The following BMAL1 variants were observed in gnomAD, a reference collection of about 807,000 sequenced individuals.
BMAL1 encodes basic helix-loop-helix ARNT like 1, also known as basic helix-loop-helix ARNT-like protein 1.
At chr11:13,344,276 A>G in the BMAL1 span, among the ~76,000 whole-genome samples, 7 of 152,128 alleles carry the variant, frequency 4.6e-5, no homozygotes, top group Non-Finnish European at 1.0e-4. Flanking sequence ...CCTATGCTCC[A>G]CTAATACAAA....
the BMAL1 span, among the ~76,000 whole-genome samples, chr11:13,330,876 C>T: frequency 6.6e-6 from 1 of 152,330 alleles, no homozygotes; most frequent in South Asian, 2.1e-4. Flanking sequence ...GATTATTGCT[C>T]ACGTAGTCAT....
the BMAL1 span, among the ~76,000 whole-genome samples, chr11:13,297,377 G>A: frequency 6.6e-6 from 1 of 152,236 alleles, no homozygotes; most frequent in African/African-American, 2.4e-5. Flanking sequence ...ATCATAGGAA[G>A]CCTCTGGAGT....
the BMAL1 span, among the ~76,000 whole-genome samples, chr11:13,340,268 AC>A: frequency 2.6e-5 from 4 of 152,128 alleles, no homozygotes; most frequent in African/African-American, 9.7e-5. Flanking sequence ...CTACTATGTC[AC>A]CCCAGAATCC....
chr11:13,294,273 G>A, the BMAL1 span, among the ~76,000 whole-genome samples: 1 of 152,174 alleles, frequency 6.6e-6, no homozygotes, highest in African/African-American at 2.4e-5. Flanking sequence ...TATTCACAGT[G>A]CGCTCTAAAC....
the BMAL1 span, among the ~76,000 whole-genome samples, chr11:13,358,905 C>A: frequency 2.0e-5 from 3 of 152,192 alleles, no homozygotes; most frequent in African/African-American, 7.2e-5. Flanking sequence ...CACATCTTGC[C>A]TATGTTTGTG....
chr11:13,289,056 C>G, the BMAL1 span, among the ~76,000 whole-genome samples: 1 of 152,216 alleles, frequency 6.6e-6, no homozygotes, highest in Non-Finnish European at 1.5e-5. Flanking sequence ...ATAGCCAAAG[C>G]AAATCACTTA....
At chr11:13,288,534 CAGTG>C in the BMAL1 span, among the ~76,000 whole-genome samples, 3 of 150,952 alleles carry the variant, frequency 2.0e-5, no homozygotes, top group Non-Finnish European at 4.4e-5. Context: ...TGGGGAAACT[CAGTG>C]AGGTTAAGTG....
chr11:13,324,979 C>T, the BMAL1 span, among the ~76,000 whole-genome samples: 1 of 152,112 alleles, frequency 6.6e-6, no homozygotes, highest in South Asian at 2.1e-4. Flanking sequence ...GAAAATCGTC[C>T]AGGAAATTGA....
the BMAL1 span, among the ~76,000 whole-genome samples, chr11:13,340,414 G>A: frequency 3.3e-5 from 5 of 152,194 alleles, no homozygotes; most frequent in Non-Finnish European, 7.3e-5. Context: ...CCAAAATTCT[G>A]TTATTCATAT....
At chr11:13,352,594 GTGT>G in the BMAL1 span, among the ~76,000 whole-genome samples, 1 of 152,294 alleles carries the variant, frequency 6.6e-6, no homozygotes, top group East Asian at 1.9e-4. Flanking sequence ...AGAATACAAC[GTGT>G]GTCCCGTTTT....
chr11:13,371,889 C>G, the BMAL1 span, among the ~76,000 whole-genome samples: 3 of 152,130 alleles, frequency 2.0e-5, no homozygotes, highest in African/African-American at 7.2e-5. Flanking sequence ...TTTGGGGGAG[C>G]CTTCCTCTCC....
At chr11:13,320,085 T>C in the BMAL1 span, among the ~76,000 whole-genome samples, 5 of 152,236 alleles carry the variant, frequency 3.3e-5, no homozygotes, top group Non-Finnish European at 7.3e-5. Flanking sequence ...GTTTGAAACC[T>C]TAGCATTTGG....
At chr11:13,314,313 C>T in the BMAL1 span, among the ~76,000 whole-genome samples, 1 of 150,224 alleles carries the variant, frequency 6.7e-6, no homozygotes, top group Admixed American at 6.7e-5. Flanking sequence ...GCATAGTTTA[C>T]CTGGCTCAGG....
chr11:13,311,219 C>G, the BMAL1 span, among the ~76,000 whole-genome samples: 1 of 152,176 alleles, frequency 6.6e-6, no homozygotes, highest in East Asian at 1.9e-4. Flanking sequence ...GGGCTGAAGC[C>G]TGGCCTGAGA....
chr11:13,363,430 G>A, the BMAL1 span, among the ~76,000 whole-genome samples: 71 of 152,058 alleles, frequency 4.7e-4, no homozygotes, highest in East Asian at 8.4e-3. Flanking sequence ...TGAAGGTTTT[G>A]TCACCTCTCT....
At chr11:13,298,279 G>A in the BMAL1 span, among the ~76,000 whole-genome samples, 1 of 152,196 alleles carries the variant, frequency 6.6e-6, no homozygotes, top group Admixed American at 6.5e-5. Flanking sequence ...CACCAGGCAT[G>A]CTTCCTGTTT....
the BMAL1 span, among the ~76,000 whole-genome samples, chr11:13,299,072 G>A: frequency 3.3e-5 from 5 of 152,290 alleles, no homozygotes; most frequent in African/African-American, 4.8e-5. Context: ...AATCCATCAG[G>A]ACCCTTACAA....
chr11:13,365,374 C>T, the BMAL1 span: 2 of 714,450 alleles, frequency 2.8e-6, no homozygotes, highest in Non-Finnish European at 4.6e-6. Context: ...CTCAGGATAT[C>T]ACTGAAACTG....
At chr11:13,370,410 A>G in the BMAL1 span, among the ~76,000 whole-genome samples, 3 of 152,044 alleles carry the variant, frequency 2.0e-5, no homozygotes, top group Admixed American at 2.0e-4. Flanking sequence ...TACTAAATCA[A>G]CCTGCTTTGG....
Sources: allele counts gnomAD v4.1 joint callset (sites outside exome capture counted in the v4.1 genomes callset), GRCh38; gene constraint gnomAD v4.1.1; transcripts MANE v1.5; gene names NCBI Gene and HGNC (gene_info 2026-07-23, HGNC 2026-07-21).